The following SPNS2 variants were observed in gnomAD, a reference collection of about 807,000 sequenced individuals.
SPNS2 encodes sphingosine-1-phosphate transporter SPNS2.
SPNS2 carries 37 observed loss-of-function variants against 57.6 expected under a neutral mutation model. That is an observed-to-expected ratio of 0.64 (90% CI 0.49 to 0.85). The LOEUF (loss-of-function observed/expected upper bound fraction) is 0.85. SPNS2 is among the 40% of genes least tolerant of loss of function. SPNS2 has a pLI of 0.00. For missense variants in SPNS2, 831 were observed against 779.1 expected (o/e 1.07, Z -0.79); for synonymous variants, 440 against 346.9 (o/e 1.27, Z -2.98).
rs1192968294 is a variant in SPNS2 at position 4,533,304 on chromosome 17, G to A, written c.1150G>A (p.Ala384Thr). The A allele has an allele frequency of 6.2e-7, 1 of 1,611,674 alleles. No homozygotes were observed. Among genetic ancestry groups the A allele is most frequent in the Admixed American group, 1.7e-5 (1 of 59,934 alleles). Residue 384 changes from alanine (A) to threonine (T), a missense_variant, in exon 8 of 13, where the codon GCC (alanine) becomes ACC (threonine). Coordinates refer to ENST00000329078, the MANE Select transcript of SPNS2 (RefSeq NM_001124758.3). The part of the protein sequence containing the change: ...GFLGVVTGAG[A>T]TRWCRLKTQR... ...TCTGGGCGTGGTCACGGGGGCAGGA[G>A]CCACGCGCTGGTGCCGCCTGAAGAC...
chr17:4,519,737 G>C (rs1037798301), intron 2 of SPNS2, among the ~76,000 whole-genome samples: 1 of 152,200 alleles, frequency 6.6e-6, no homozygotes, highest in African/African-American at 2.4e-5. Flanking sequence ...CGGGGTGGTG[G>C]GCAGGGGAAG....
chr17:4,532,400 C>G, intron 5 of SPNS2, 142 bp from the exon 6 acceptor site: 1 of 1,258,424 alleles, frequency 7.9e-7, no homozygotes, highest in Non-Finnish European at 1.1e-6. Context: ...TCTCAGCAGC[C>G]CAATTAGGAA....
At chr17:4,530,921 G>A (rs1297714601) in intron 4 of SPNS2, 132 bp from the exon 5 acceptor site, 1 of 1,458,296 alleles carries the variant, frequency 6.9e-7, no homozygotes, top group African/African-American at 1.4e-5. Flanking sequence ...CAGCCTTTGA[G>A]AATCTCCTGG....
chr17:4,506,755 T>C (rs1289044000), intron 1 of SPNS2, among the ~76,000 whole-genome samples: 4 of 152,104 alleles, frequency 2.6e-5, no homozygotes, highest in African/African-American at 9.7e-5. Context: ...CTCATCCTCA[T>C]GGTCTCTGCA....
At chr17:4,537,320 G>C (rs1003912941) in intron 12 of SPNS2, 133 bp from the exon 13 acceptor site, 2 of 412,808 alleles carry the variant, frequency 4.8e-6, no homozygotes, top group African/African-American at 2.0e-5. Context: ...CCAGCAGCAC[G>C]AGACCCAGGG....
intron 1 of SPNS2, among the ~76,000 whole-genome samples, chr17:4,501,757 C>T (rs1904519889): frequency 6.6e-6 from 1 of 152,166 alleles, no homozygotes; most frequent in African/African-American, 2.4e-5. Context: ...GGCCTGAGTG[C>T]ACCTGTTGCT....
chr17:4,499,408 A>T lies in SPNS2; in HGVS notation c.361A>T (p.Thr121Ser), dbSNP rs770337622. The change falls in exon 1 of 13, where the codon ACC (threonine) becomes TCC (serine). Residue 121 changes from threonine to serine, a missense_variant. Coordinates refer to ENST00000329078, the MANE Select transcript of SPNS2 (RefSeq NM_001124758.3). The surrounding 1 kb of genome is among the most constrained non-coding windows in gnomAD (Gnocchi z 5.2). The part of the protein sequence containing the change: ...GNVLNYLDRY[T>S]VAGVLLDIQQ... ...CGTGCTCAACTACCTGGACAGGTAC[A>T]CCGTGGCAGGTGAGCGAGTGCCCCA... is the stretch of plus-strand genomic sequence containing the variant. The T allele has an allele frequency of 1.5e-6, 2 of 1,345,120 alleles. No individual in the cohort carries two copies. The highest frequency in any genetic ancestry group is 1.9e-6 in the Non-Finnish European group (2 of 1,046,222). 83.3% of individuals were successfully genotyped at this position (1,345,120 alleles called of 1,614,324 possible).
intron 1 of SPNS2, among the ~76,000 whole-genome samples, chr17:4,507,806 TAGGA>T (rs1904721253): frequency 6.6e-6 from 1 of 152,182 alleles, no homozygotes; most frequent in African/African-American, 2.4e-5. Context: ...CTGGGCTGCC[TAGGA>T]AGGAAGAGAC....
intron 1 of SPNS2, among the ~76,000 whole-genome samples, chr17:4,501,241 G>C (rs1037871645): frequency 1.3e-5 from 2 of 152,102 alleles, no homozygotes; most frequent in African/African-American, 2.4e-5. Flanking sequence ...GCACTGTAGC[G>C]CTCTCCAACT....
In SPNS2 at chr17:4,536,899, G is replaced by C. The variant is rs2144387449; in HGVS notation, c.1608-1G>C. 1 of 1,613,404 alleles carries C rather than the reference G, an allele frequency of 6.2e-7. No homozygotes were observed. The highest frequency in any genetic ancestry group is 8.5e-7 in the Non-Finnish European group (1 of 1,179,736). ...CTGACCCCCGCCCGTCTCTCCCCCAGGGTGAACCAGCTGGCGATGCCGCCC... is the reference window on the plus strand; with the variant it reads ...CTGACCCCCGCCCGTCTCTCCCCCACGGTGAACCAGCTGGCGATGCCGCCC... On this transcript the variant is annotated splice_acceptor_variant, in intron 11 of 12. Transcript: ENST00000329078. LOFTEE classifies it high-confidence loss of function.
Position 4,511,032 on chromosome 17 carries a change from T to C in SPNS2, c.371-2215T>C, listed in dbSNP as rs1904816562. Among the ~76,000 whole-genome samples the C allele has an allele frequency of 6.6e-6, 1 of 152,236 alleles. No individual in the cohort carries two copies. Among genetic ancestry groups the C allele is most frequent in the African/African-American group, 2.4e-5 (1 of 41,456 alleles). On this transcript the variant is annotated intron_variant, in intron 1 of 12. Coordinates refer to ENST00000329078, the MANE Select transcript of SPNS2 (RefSeq NM_001124758.3). This position sits in a 1 kb window ranked among gnomAD's most constrained non-coding sequence, Gnocchi z 4.6. ...GAATCATAAATACCAGCACAGATAG[T>C]GAGGACAGCGTCTGTACCATCTTCA...
At chr17:4,518,297 G>A (rs1267711472) in intron 2 of SPNS2, among the ~76,000 whole-genome samples, 7 of 152,316 alleles carry the variant, frequency 4.6e-5, no homozygotes, top group African/African-American at 1.7e-4. Flanking sequence ...GGCTGAGGCG[G>A]GTGGATCACG....
At chr17:4,530,842 C>G (rs1905434596) in intron 4 of SPNS2, 59 bp downstream of exon 4, 3 of 1,575,632 alleles carry the variant, frequency 1.9e-6, no homozygotes, top group Non-Finnish European at 2.6e-6. Flanking sequence ...CCTTGGACTT[C>G]TGAGTTCTCC....
chr17:4,536,730 T>A, intron 11 of SPNS2, 170 bp from the exon 12 acceptor site: 1 of 652,698 alleles, frequency 1.5e-6, no homozygotes, highest in Non-Finnish European at 2.7e-6. Flanking sequence ...TCTTTACTCC[T>A]CTCTCTCTCC....
chr17:4,536,368 A>T lies in SPNS2; in HGVS notation c.1549A>T (p.Met517Leu). 1.2e-6 allele frequency: 2 copies of T among 1,609,408 alleles called. No individual in the cohort carries two copies. The highest frequency in any genetic ancestry group is 8.5e-7 in the Non-Finnish European group (1 of 1,179,778). ...LCPFVVVLGG[M>L]FFLATALFFV... ...CCCTTTCGTCGTGGTCCTGGGCGGC[A>T]TGTTCTTCCTCGCCACTGCGCTCTT... is the stretch of plus-strand genomic sequence containing the variant. Residue 517 changes from methionine to leucine, a missense_variant, in exon 11 of 13, where the codon ATG becomes TTG. Around this residue, in one of 2 missense-constraint regions of SPNS2, gnomAD observed 526 missense variants for 400.9 expected, o/e 1.31. Transcript: ENST00000329078.
Position 4,510,283 on chromosome 17 carries a change from G to A in SPNS2, c.371-2964G>A, listed in dbSNP as rs141498617. On this transcript the variant is annotated intron_variant, in intron 1 of 12. Transcript: ENST00000329078. The surrounding 1 kb of genome is among the most constrained non-coding windows in gnomAD (Gnocchi z 4.4). ...CTTGGACTTGGACCCAAGACTGGGCGCTGGGGAGTGGTGGGACGGGAGCAG... is the reference window on the plus strand; with the variant it reads ...CTTGGACTTGGACCCAAGACTGGGCACTGGGGAGTGGTGGGACGGGAGCAG... Among the ~76,000 whole-genome samples, 15 of 152,336 alleles carry A rather than the reference G, an allele frequency of 9.8e-5. No homozygotes were observed. Among genetic ancestry groups the A allele is most frequent in the Admixed American group, 2.6e-4 (4 of 15,310 alleles).
chr17:4,528,563 CA>C (rs1346124057), intron 3 of SPNS2, among the ~76,000 whole-genome samples: 1 of 150,980 alleles, frequency 6.6e-6, no homozygotes, highest in Admixed American at 6.6e-5. Context: ...CCCCCTCCTC[CA>C]CCACCAGGTT....
chr17:4,508,556 C>T (rs574002818), intron 1 of SPNS2, among the ~76,000 whole-genome samples: 1 of 152,004 alleles, frequency 6.6e-6, no homozygotes, highest in Non-Finnish European at 1.5e-5. Flanking sequence ...TGCCTGGAGT[C>T]AGGGGCTGTA....
chr17:4,524,239 G>C (rs1905211020), intron 2 of SPNS2, among the ~76,000 whole-genome samples: 1 of 152,130 alleles, frequency 6.6e-6, no homozygotes, highest in Non-Finnish European at 1.5e-5. Flanking sequence ...AGGAACACAG[G>C]CTCTGGAGTC....
Sources: gnomAD v4.1 joint callset for allele counts (sites outside exome capture counted in the v4.1 genomes callset) on GRCh38, gnomAD v4.1.1 for gene constraint, gnomAD v4.1.1 regional missense constraint, Gnocchi (gnomAD v3.1) non-coding constraint, MANE v1.5 for transcripts, NCBI Gene and HGNC (gene_info 2026-07-23, HGNC 2026-07-21) for gene names.